DIAPH2: variants seen among roughly 807,000 people sequenced by gnomAD.
DIAPH2 encodes diaphanous related formin 2.
DIAPH2 carries 35 observed loss-of-function variants against 92.7 expected under a neutral mutation model. That is an observed-to-expected ratio of 0.38 (90% CI 0.29 to 0.50). The LOEUF is 0.50. DIAPH2 is among the 20% of genes least tolerant of loss of function. The pLI is 0.94. For missense variants in DIAPH2, 701 were observed against 819.5 expected (o/e 0.86, Z 1.77); for synonymous variants, 301 against 280.4 (o/e 1.07, Z -0.73).
intron 1 of DIAPH2, among the ~76,000 whole-genome samples, chrX:96,702,880 A>G (rs764757190): frequency 2.2e-4 from 25 of 111,403 alleles, no homozygotes; most frequent in South Asian, 3.8e-4. Flanking sequence ...TGAGTTTTAC[A>G]GAGTCACTAA....
At chrX:97,385,020 G>A (rs1271126763) in intron 25 of DIAPH2, among the ~76,000 whole-genome samples, 2 of 110,700 alleles carry the variant, frequency 1.8e-5, no homozygotes, top group East Asian at 2.8e-4. Context: ...TCAGGTATCT[G>A]CACACTGAAA....
At chrX:96,873,476 G>A (rs1171441399) in intron 4 of DIAPH2, among the ~76,000 whole-genome samples, 2 of 110,143 alleles carry the variant, frequency 1.8e-5, no homozygotes, top group Non-Finnish European at 3.8e-5. Flanking sequence ...TAGAAGTGGA[G>A]AATAGGTTAG....
At chrX:97,328,607 TA>T (rs1239598963) in intron 23 of DIAPH2, among the ~76,000 whole-genome samples, 2 of 111,799 alleles carry the variant, frequency 1.8e-5, no homozygotes, top group East Asian at 5.6e-4. Flanking sequence ...CTGAAATTCC[TA>T]AATCAGTAGT....
chrX:96,692,903 G>A (rs1313039750), intron 1 of DIAPH2, among the ~76,000 whole-genome samples: 1 of 112,100 alleles, frequency 8.9e-6, no homozygotes, highest in Non-Finnish European at 1.9e-5. Context: ...GTCTATCTTT[G>A]TTTTTCAGCC....
intron 23 of DIAPH2, among the ~76,000 whole-genome samples, chrX:97,293,690 A>C (rs1014627338): frequency 2.7e-5 from 3 of 111,619 alleles, no homozygotes; most frequent in Non-Finnish European, 5.6e-5. Flanking sequence ...ATTTTTATAG[A>C]CTCACTATGT....
At chrX:96,900,864 C>G (rs898930110) in intron 5 of DIAPH2, among the ~76,000 whole-genome samples, 1 of 111,981 alleles carries the variant, frequency 8.9e-6, no homozygotes, top group East Asian at 2.8e-4. Context: ...ATTCAGTTAG[C>G]TAGTATTTTG....
chrX:96,692,631 CAA>C (rs1339407505), intron 1 of DIAPH2, among the ~76,000 whole-genome samples: 4 of 112,011 alleles, frequency 3.6e-5, no homozygotes, highest in African/African-American at 1.3e-4. Flanking sequence ...TATGTACCAT[CAA>C]AAATAGAACA....
chrX:97,113,220 T>C (rs1239653550), intron 20 of DIAPH2, among the ~76,000 whole-genome samples: 2 of 111,854 alleles, frequency 1.8e-5, no homozygotes, highest in Non-Finnish European at 1.9e-5. Context: ...TTAAAGTTTT[T>C]TCTTCTTCCA....
At chrX:97,420,426 A>G (rs899973747) in intron 25 of DIAPH2, among the ~76,000 whole-genome samples, 1 of 111,753 alleles carries the variant, frequency 8.9e-6, no homozygotes, top group African/African-American at 3.2e-5. Context: ...TATGACCCCT[A>G]ATACAGTATT....
At chrX:96,697,928 G>A (rs1035332559) in intron 1 of DIAPH2, among the ~76,000 whole-genome samples, 7 of 110,923 alleles carry the variant, frequency 6.3e-5, no homozygotes, top group South Asian at 7.7e-4. Flanking sequence ...GGTCAGAAAT[G>A]TGACCACTAA....
rs755684680 is a variant in DIAPH2 at position 97,599,284 on chromosome X, C to T, written c.3273C>T (p.Arg1091=). The T allele has an allele frequency of 2.5e-6, 3 of 1,194,182 alleles. No homozygotes were observed. Among genetic ancestry groups the T allele is most frequent in the African/African-American group, 3.5e-5 (2 of 56,900 alleles). The change falls in exon 27 of 27, where the codon CGC becomes CGT. Residue 1091 remains arginine (R), a synonymous_variant. Transcript: ENST00000324765. ...GACGAGTACCTTTGGAAAGGTCACG[C>T]TCTCGCCACAATGGAGCTATCTCAT... ...DNRRVPLERS[R]SRHNGAISSK
intron 26 of DIAPH2, among the ~76,000 whole-genome samples, chrX:97,489,196 T>C (rs999775504): frequency 3.6e-5 from 4 of 112,151 alleles, no homozygotes; most frequent in Non-Finnish European, 7.5e-5. Context: ...TGTGATACTA[T>C]GCAAATGGGA....
chrX:96,693,503 G>A (rs1375340283), intron 1 of DIAPH2, among the ~76,000 whole-genome samples: 1 of 112,201 alleles, frequency 8.9e-6, no homozygotes, highest in East Asian at 2.8e-4. Context: ...TGTATAGGCT[G>A]TACACTTGCA....
Position 97,480,404 on chromosome X carries a change from G to A in DIAPH2, c.3241+50659G>A, listed in dbSNP as rs761698872. Among the ~76,000 whole-genome samples, 4 of 111,576 alleles carry A rather than the reference G, an allele frequency of 3.6e-5. 1 individual carries two copies. The South Asian group carries it at 1.5e-3, about 43-fold the overall frequency. Reference sequence around the variant, plus strand: ...TAACTTCAGAATTCTTGTGTCCAGAGCTGTGAGAGAATACATTTCTGTTAT... The same window carrying A: ...TAACTTCAGAATTCTTGTGTCCAGAACTGTGAGAGAATACATTTCTGTTAT... On this transcript the variant is annotated intron_variant, in intron 26 of 26. Transcript: ENST00000324765.
chrX:96,874,237 AC>A (rs759952661), intron 4 of DIAPH2, among the ~76,000 whole-genome samples: 3 of 111,759 alleles, frequency 2.7e-5, no homozygotes, highest in Non-Finnish European at 3.8e-5. Context: ...CAGGATAAGA[AC>A]CCCTGACTTT....
chrX:97,131,975 A>C (rs1288229814), intron 21 of DIAPH2, among the ~76,000 whole-genome samples: 1 of 111,507 alleles, frequency 9.0e-6, no homozygotes, highest in Non-Finnish European at 1.9e-5. Context: ...CTAGAAGGGA[A>C]AATGCTGAGA....
intron 23 of DIAPH2, among the ~76,000 whole-genome samples, chrX:97,251,348 T>C (rs1048436245): frequency 7.2e-5 from 8 of 110,855 alleles, no homozygotes; most frequent in African/African-American, 2.6e-4. Flanking sequence ...GGGCAACCCA[T>C]GAAGGCTGGT....
At chrX:97,215,520 C>T (rs192559590) in intron 22 of DIAPH2, among the ~76,000 whole-genome samples, 1 of 112,003 alleles carries the variant, frequency 8.9e-6, no homozygotes, top group Non-Finnish European at 1.9e-5. Flanking sequence ...TCACCATCAG[C>T]CATGTCATTA....
chrX:96,699,134 A>G (rs1443599946), intron 1 of DIAPH2, among the ~76,000 whole-genome samples: 1 of 112,147 alleles, frequency 8.9e-6, no homozygotes, highest in Non-Finnish European at 1.9e-5. Context: ...TTAAGCTCTC[A>G]TAATGATAGA....
Sources: allele counts gnomAD v4.1 joint callset (sites outside exome capture counted in the v4.1 genomes callset), GRCh38; gene constraint gnomAD v4.1.1; transcripts MANE v1.5; gene names NCBI Gene and HGNC (gene_info 2026-07-23, HGNC 2026-07-21).